Variants in IGFL2 observed in about 807,000 individuals in gnomAD.
IGFL2 encodes the protein insulin growth factor-like family member 2.
In IGFL2, 7 loss-of-function variants were observed where a neutral mutation model predicts 13.9. The observed-to-expected ratio is 0.51, with a 90% CI of 0.29 to 0.95. IGFL2 has a LOEUF of 0.95. Ranked by LOEUF, IGFL2 falls within the 40% of genes least tolerant of loss-of-function variation. The probability of loss-of-function intolerance (pLI) is 0.08; values close to 1 mark genes in which losing one functional copy is unlikely to be tolerated. For missense variants in IGFL2, 138 were observed against 147.8 expected (o/e 0.93, Z 0.34); for synonymous variants, 55 against 55.8 (o/e 0.99, Z 0.07).
At chr19:46,139,551 A>G (rs1423364190), upstream of IGFL2, among the ~76,000 whole-genome samples, 1 of 152,170 alleles carries the variant, frequency 6.6e-6, no homozygotes. Context: ...GTAGGCTTTA[A>G]TGCAAAAGAT....
At chr19:46,200,090 GA>G in the IGFL2 span, among the ~76,000 whole-genome samples, 329 of 152,186 alleles carry the variant, frequency 2.2e-3, 1 homozygote, top group African/African-American at 7.1e-3. Context: ...CTGACCTTGT[GA>G]TCTGTCCACC....
At chr19:46,184,125 G>A in the IGFL2 span, among the ~76,000 whole-genome samples, 1 of 151,962 alleles carries the variant, frequency 6.6e-6, no homozygotes, top group African/African-American at 2.4e-5. Context: ...TTTTGTTCTG[G>A]TAAGGTTTTC....
At chr19:46,159,732 C>T (rs1373651585) in intron 1 of IGFL2, 1 of 152,180 alleles carries the variant, frequency 6.6e-6, no homozygotes, top group Non-Finnish European at 1.5e-5. Flanking sequence ...CAACCTTCAC[C>T]CACAGTCATG....
At chr19:46,213,892 A>G in the IGFL2 span, 1 of 153,372 alleles carries the variant, frequency 6.5e-6, no homozygotes, top group African/African-American at 2.4e-5. Context: ...CGGAAAACTA[A>G]AAAGTTTTAA....
the IGFL2 span, among the ~76,000 whole-genome samples, chr19:46,089,179 A>AT: frequency 3.3e-5 from 5 of 152,138 alleles, no homozygotes; most frequent in Non-Finnish European, 1.5e-5. Flanking sequence ...ACCAAAAAAA[A>AT]CTTTATAGTT....
downstream of IGFL2, among the ~76,000 whole-genome samples, chr19:46,162,989 C>T (rs901191492): frequency 1.1e-4 from 17 of 152,172 alleles, no homozygotes; most frequent in Non-Finnish European, 2.2e-4. Flanking sequence ...TGGATGTTTT[C>T]CCTGGGCTGA....
At chr19:46,110,092 C>T in the IGFL2 span, among the ~76,000 whole-genome samples, 1 of 152,198 alleles carries the variant, frequency 6.6e-6, no homozygotes. Flanking sequence ...TAAGTTTGGA[C>T]AAGATTCCTT....
At chr19:46,097,788 T>C in the IGFL2 span, among the ~76,000 whole-genome samples, 2 of 152,314 alleles carry the variant, frequency 1.3e-5, no homozygotes, top group Non-Finnish European at 2.9e-5. Context: ...CAGGAGAAGG[T>C]TGTTGAATTT....
the IGFL2 span, among the ~76,000 whole-genome samples, chr19:46,181,935 T>A: frequency 6.6e-6 from 1 of 152,206 alleles, no homozygotes; most frequent in Non-Finnish European, 1.5e-5. Flanking sequence ...CAGTCAGACA[T>A]CATTTTCTTT....
the IGFL2 span, chr19:46,111,776 A>AAT: frequency 6.6e-6 from 1 of 152,216 alleles, no homozygotes; most frequent in African/African-American, 2.4e-5. Flanking sequence ...GACTGGTGTT[A>AAT]ATATGTGTAT....
At chr19:46,128,108 C>T in the IGFL2 span, among the ~76,000 whole-genome samples, 745 of 152,082 alleles carry the variant, frequency 4.9e-3, 5 homozygotes, top group African/African-American at 0.017. Context: ...GAATTGCAGT[C>T]CTGATTTGGC....
At chr19:46,187,185 T>G in the IGFL2 span, among the ~76,000 whole-genome samples, 1 of 152,042 alleles carries the variant, frequency 6.6e-6, no homozygotes, top group Non-Finnish European at 1.5e-5. Flanking sequence ...GAGGTTGTGC[T>G]GCTGGTGTGT....
the IGFL2 span, among the ~76,000 whole-genome samples, chr19:46,116,803 A>C: frequency 6.6e-6 from 1 of 152,226 alleles, no homozygotes; most frequent in Non-Finnish European, 1.5e-5. Flanking sequence ...TTGTGGAAAG[A>C]TTAAATCAAG....
the IGFL2 span, among the ~76,000 whole-genome samples, chr19:46,085,343 A>G: frequency 2.0e-5 from 3 of 152,242 alleles, no homozygotes; most frequent in African/African-American, 4.8e-5. Context: ...TGTATTTCAT[A>G]TAGTTAAGTC....
At chr19:46,183,279 G>C in the IGFL2 span, among the ~76,000 whole-genome samples, 8 of 152,236 alleles carry the variant, frequency 5.3e-5, no homozygotes, top group East Asian at 1.5e-3. Flanking sequence ...CCTCCCACCA[G>C]GTCCTTCTCC....
chr19:46,200,506 T>TTTCTTTTCTTTTCTTTTCTC, the IGFL2 span, among the ~76,000 whole-genome samples: 3 of 147,466 alleles, frequency 2.0e-5, no homozygotes, highest in East Asian at 4.0e-4. Flanking sequence ...TTTCTTTTCT[T>TTTCTTTTCTTTTCTTTTCTC]TTCTCTTTTC....
chr19:46,129,790 G>A, the IGFL2 span, among the ~76,000 whole-genome samples: 3 of 152,004 alleles, frequency 2.0e-5, no homozygotes, highest in South Asian at 2.1e-4. Context: ...TTATGTGGTC[G>A]ATTTTTCAAT....
At chr19:46,156,890 G>A (rs1973855382) in intron 1 of IGFL2, among the ~76,000 whole-genome samples, 1 of 152,024 alleles carries the variant, frequency 6.6e-6, no homozygotes. Flanking sequence ...GATAGTTTTA[G>A]CAAAACTCTC....
the IGFL2 span, chr19:46,204,876 C>G: frequency 3.9e-5 from 6 of 152,282 alleles, no homozygotes; most frequent in Non-Finnish European, 7.3e-5. Context: ...CTCCCGGATT[C>G]AAGCGCTTCT....
Sources: allele counts gnomAD v4.1 joint callset (sites outside exome capture counted in the v4.1 genomes callset), GRCh38; gene constraint gnomAD v4.1.1; transcripts MANE v1.5; gene names NCBI Gene and HGNC (gene_info 2026-07-23, HGNC 2026-07-21).